Variants in LMNB1 observed in about 807,000 individuals in gnomAD.
LMNB1 encodes lamin-B1.
A neutral mutation model predicts 67.1 loss-of-function variants in LMNB1; 23 were observed. The ratio of observed to expected loss-of-function variants is 0.34; its 90% CI spans 0.25 to 0.49. LMNB1 has a LOEUF of 0.49. Among genes scored for constraint, LMNB1 ranks in the 20% least tolerant of loss-of-function variants. LMNB1 has a pLI of 0.99. For synonymous variants in LMNB1, 281 were observed against 282.9 expected (o/e 0.99, Z 0.07); for missense variants, 634 against 746.5 (o/e 0.85, Z 1.76).
chr5:126,781,637 T>C (rs756821013), intron 1 of LMNB1, among the ~76,000 whole-genome samples: 1 of 152,094 alleles, frequency 6.6e-6, no homozygotes, highest in Non-Finnish European at 1.5e-5. Context: ...GGTTTCACCG[T>C]GTTGGCCAGG....
intron 1 of LMNB1, among the ~76,000 whole-genome samples, chr5:126,796,175 A>G (rs1580533160): frequency 6.7e-6 from 1 of 150,200 alleles, no homozygotes; most frequent in Non-Finnish European, 1.5e-5. Flanking sequence ...GTGATCCGCC[A>G]GCCTTAGCCT....
At chr5:126,787,536 ATATATATATAT>A (rs1411305874) in intron 1 of LMNB1, among the ~76,000 whole-genome samples, 2 of 84,044 alleles carry the variant, frequency 2.4e-5, no homozygotes, top group African/African-American at 9.2e-5. Flanking sequence ...ATATATATAT[ATATATATATAT>A]TTTTTTTTTT....
intron 5 of LMNB1, among the ~76,000 whole-genome samples, chr5:126,812,210 C>A (rs1411569393): frequency 6.6e-6 from 1 of 152,204 alleles, no homozygotes; most frequent in Admixed American, 6.5e-5. Flanking sequence ...TGTCTAACAG[C>A]TTCATCTCTA....
intron 3 of LMNB1, among the ~76,000 whole-genome samples, chr5:126,806,646 A>G (rs777580157): frequency 3.9e-5 from 6 of 152,154 alleles, no homozygotes; most frequent in Non-Finnish European, 8.8e-5. Flanking sequence ...ACATGAATAC[A>G]TGCTACCAGC....
At chr5:126,813,143 C>T (rs890283571) in intron 5 of LMNB1, among the ~76,000 whole-genome samples, 4 of 152,154 alleles carry the variant, frequency 2.6e-5, no homozygotes, top group Non-Finnish European at 2.9e-5. Flanking sequence ...AGAAATAAAG[C>T]AGAAAATGAG....
At chr5:126,829,323 G>T (rs972668000) in intron 9 of LMNB1, among the ~76,000 whole-genome samples, 1 of 151,904 alleles carries the variant, frequency 6.6e-6, no homozygotes, top group Non-Finnish European at 1.5e-5. Context: ...CCTTGGGGAC[G>T]CAGGATAGCT....
chr5:126,821,250 G>A (rs898882126), intron 7 of LMNB1, 115 bp downstream of exon 7: 11 of 649,076 alleles, frequency 1.7e-5, no homozygotes, highest in Non-Finnish European at 3.0e-5. Flanking sequence ...ATGGAATAAG[G>A]GTTTATGTCC....
At chr5:126,794,110 T>A (rs566678700) in intron 1 of LMNB1, among the ~76,000 whole-genome samples, 1 of 152,170 alleles carries the variant, frequency 6.6e-6, no homozygotes, top group South Asian at 2.1e-4. Context: ...AACTTTTGTA[T>A]TTTTGTATTT....
At chr5:126,788,440 C>T (rs1048151321) in intron 1 of LMNB1, among the ~76,000 whole-genome samples, 10 of 151,990 alleles carry the variant, frequency 6.6e-5, no homozygotes, top group African/African-American at 2.4e-4. Flanking sequence ...AGTTTGAGAC[C>T]AGCCTGGGCA....
At chr5:126,812,544 G>T (rs1412350239) in intron 5 of LMNB1, among the ~76,000 whole-genome samples, 1 of 152,108 alleles carries the variant, frequency 6.6e-6, no homozygotes, top group African/African-American at 2.4e-5. Context: ...ATCAGTTTTA[G>T]CCTAGGGTGA....
chr5:126,827,982 G>T (rs936827818), intron 9 of LMNB1, among the ~76,000 whole-genome samples: 2 of 152,186 alleles, frequency 1.3e-5, no homozygotes, highest in Non-Finnish European at 2.9e-5. Context: ...TGTTCTGGTA[G>T]ATCCTGGTAT....
chr5:126,781,021 G>A (rs1273913591), intron 1 of LMNB1, among the ~76,000 whole-genome samples: 19 of 152,204 alleles, frequency 1.2e-4, no homozygotes, highest in Admixed American at 1.2e-3. Context: ...GGCCAGGCAC[G>A]GTGGCTCACA....
chr5:126,800,982 A>ATATATATATAATTTTTTTT, intron 1 of LMNB1, among the ~76,000 whole-genome samples: 3 of 18,630 alleles, frequency 1.6e-4, no homozygotes, highest in South Asian at 2.8e-3. Context: ...TATATATATA[A>ATATATATATAATTTTTTTT]TTTTTTTTTT....
At chr5:126,814,202 A>G (rs1231897743) in intron 5 of LMNB1, among the ~76,000 whole-genome samples, 1 of 152,146 alleles carries the variant, frequency 6.6e-6, no homozygotes, top group Non-Finnish European at 1.5e-5. Flanking sequence ...GCCTATATCA[A>G]CTGTCTTAAC....
chr5:126,818,581 TTTTGGAAGTAAAGGC>T (rs1263464213), intron 5 of LMNB1, among the ~76,000 whole-genome samples: 14 of 152,228 alleles, frequency 9.2e-5, no homozygotes, highest in African/African-American at 3.4e-4. Context: ...TAATTTATAC[TTTTGGAAGTAAAGGC>T]TTTGTAAGGG....
In LMNB1 at chr5:126,826,048, C is replaced by A. The variant is rs1444508497; in HGVS notation, c.1552C>A (p.Gln518Lys). ...SPPTDLIWKN[Q>K]NSWGTGEDVK... ...CCCAACTGACCTCATCTGGAAGAAC[C>A]AGAACTCGTGGGGCACTGGCGAAGA... is the stretch of plus-strand genomic sequence containing the variant. Residue 518 changes from glutamine (Q) to lysine (K), a missense_variant, in exon 9 of 11, where the codon CAG (glutamine) becomes AAG (lysine). Gln to Lys is a moderately conservative substitution (Grantham distance 53). Coordinates refer to ENST00000261366, the MANE Select transcript of LMNB1 (RefSeq NM_005573.4). 1 of 1,613,954 alleles carries A rather than the reference C, an allele frequency of 6.2e-7. No homozygotes were observed. Among genetic ancestry groups the A allele is most frequent in the Non-Finnish European group, 8.5e-7 (1 of 1,179,952 alleles).
intron 1 of LMNB1, among the ~76,000 whole-genome samples, chr5:126,799,644 CTTAT>C (rs1751213501): frequency 3.3e-5 from 5 of 152,156 alleles, no homozygotes; most frequent in Admixed American, 3.3e-4. Flanking sequence ...GGGACCCTGT[CTTAT>C]TTATTTATCT....
chr5:126,794,646 G>C (rs1204789792), intron 1 of LMNB1, among the ~76,000 whole-genome samples: 2 of 152,170 alleles, frequency 1.3e-5, no homozygotes, highest in Non-Finnish European at 2.9e-5. Flanking sequence ...CAGCTGTTCA[G>C]AAGAACCTTA....
At chr5:126,823,687 C>T (rs761363445) in intron 8 of LMNB1, among the ~76,000 whole-genome samples, 5 of 152,100 alleles carry the variant, frequency 3.3e-5, no homozygotes, top group Non-Finnish European at 7.4e-5. Context: ...TATGTTGATA[C>T]AAACCTTACT....
Sources: allele counts gnomAD v4.1 joint callset (sites outside exome capture counted in the v4.1 genomes callset), GRCh38; gene constraint gnomAD v4.1.1; transcripts MANE v1.5; gene names NCBI Gene and HGNC (gene_info 2026-07-23, HGNC 2026-07-21).